The following C4orf50 variants were observed in gnomAD, a reference collection of about 807,000 sequenced individuals.
The protein encoded by C4orf50 is uncharacterized protein C4orf50.
In C4orf50, 80 loss-of-function variants were observed where a neutral mutation model predicts 77.2. That is an observed-to-expected ratio of 1.04 (90% CI 0.87 to 1.25). The LOEUF (loss-of-function observed/expected upper bound fraction) is 1.25, where lower values mean the gene tolerates loss of function less well. Among genes scored for constraint, C4orf50 ranks in the 50% most tolerant of loss-of-function variants. C4orf50 has a pLI of 0.00. For missense variants in C4orf50, 1,257 were observed against 1,152.9 expected (o/e 1.09, Z -1.31); for synonymous variants, 532 against 465.3 (o/e 1.14, Z -1.84).
chr4:6,007,599 A>G lies in C4orf50; in HGVS notation c.963+397T>C, dbSNP rs1722297194. On this transcript the variant is annotated intron_variant, in intron 25 of 33. Coordinates refer to ENST00000531445, the Ensembl canonical transcript of C4orf50. The surrounding 1 kb of genome is among the most constrained non-coding windows in gnomAD (Gnocchi z 4.1). ...AGCCCAAACAGATTTCAACAATGGG[A>G]AAACAAGTGGTTTAGTAAGTGGGCT... Among the ~76,000 whole-genome samples, 1 of 152,158 alleles carries G rather than the reference A, an allele frequency of 6.6e-6. No individual in the cohort carries two copies. Among genetic ancestry groups the G allele is most frequent in the Admixed American group, 6.5e-5 (1 of 15,278 alleles).
In C4orf50 at chr4:6,008,234, G is replaced by C. The variant is rs1163757834; in HGVS notation, c.725C>G (p.Ala242Gly). 5.0e-6 allele frequency: 2 copies of C among 396,124 alleles called. No individual in the cohort carries two copies. Among genetic ancestry groups the C allele is most frequent in the African/African-American group, 2.1e-5 (1 of 48,474 alleles). 24.5% of individuals were successfully genotyped at this position (396,124 alleles called of 1,614,324 possible). Residue 242 changes from alanine to glycine, a missense_variant, in exon 25 of 34, where the codon GCC becomes GGC. Transcript: ENST00000531445. The surrounding 1 kb of genome is among the most constrained non-coding windows in gnomAD (Gnocchi z 6.0). ...GCTGCGCTCTGCCCTCGCCTGCAGG[G>C]CGCGCAGTTCCGCAGCCGCCTCGGT...
rs578192692 is a variant in C4orf50 at position 5,919,423 on chromosome 4, G to A, written c.*2475-21235C>T. ...GCAGTGGACTGAGGCAGGGGCAGGT[G>A]GGGGTGGGGGGCACACCCTTTCCTA... On this transcript the variant is annotated intron_variant, in intron 7 of 7. Transcript: ENST00000324058. This position sits in a 1 kb window ranked among gnomAD's most constrained non-coding sequence, Gnocchi z 6.5. Among the ~76,000 whole-genome samples, 202 of 152,196 alleles carry A rather than the reference G, an allele frequency of 1.3e-3. 1 individual carries two copies. The highest frequency in any genetic ancestry group is 4.6e-3 in the African/African-American group (193 of 41,522).
intron 7 of C4orf50, among the ~76,000 whole-genome samples, chr4:5,917,145 C>T (rs1332894552): frequency 6.6e-6 from 1 of 152,158 alleles, no homozygotes; most frequent in East Asian, 1.9e-4. Flanking sequence ...CCTTATCCCA[C>T]TGTTATAGAT....
intron 7 of C4orf50, among the ~76,000 whole-genome samples, chr4:5,909,434 C>A (rs1281834399): frequency 6.6e-6 from 1 of 152,190 alleles, no homozygotes; most frequent in Non-Finnish European, 1.5e-5. Flanking sequence ...GTATAGTTTG[C>A]AAATATTTTC....
chr4:5,943,605 G>A (rs191136941), intron 7 of C4orf50, among the ~76,000 whole-genome samples: 7 of 152,320 alleles, frequency 4.6e-5, no homozygotes, highest in Non-Finnish European at 1.0e-4. Context: ...CCTCACAGCT[G>A]TGAGAATCAA....
rs139116305 is a variant in C4orf50 at position 5,932,149 on chromosome 4, C to T, written c.*2474+24752G>A. 0.014 allele frequency among the ~76,000 whole-genome samples: 2,120 copies of T among 150,902 alleles called. 21 individuals are homozygous for T. Among genetic ancestry groups the T allele is most frequent in the Non-Finnish European group, 0.02 (1,378 of 67,920 alleles). Reference sequence around the variant, plus strand: ...AAGGCAGGTGTAACTCACTAACCTGCCAGGTGTAAACCCACTGGCTGGCTA... The same window carrying T: ...AAGGCAGGTGTAACTCACTAACCTGTCAGGTGTAAACCCACTGGCTGGCTA... On this transcript the variant is annotated intron_variant, in intron 7 of 7. Transcript: ENST00000324058. This position sits in a 1 kb window ranked among gnomAD's most constrained non-coding sequence, Gnocchi z 4.2.
chr4:5,984,926 T>C (rs1341520782), intron 28 of C4orf50, among the ~76,000 whole-genome samples: 4 of 150,820 alleles, frequency 2.7e-5, no homozygotes, highest in Admixed American at 2.0e-4. Flanking sequence ...CACATTATAG[T>C]GAAGCTGCCA....
Position 6,009,473 on chromosome 4 carries a change from C to T in C4orf50, c.427-941G>A, listed in dbSNP as rs543757871. 2.0e-5 allele frequency among the ~76,000 whole-genome samples: 3 copies of T among 152,116 alleles called. No individual in the cohort carries two copies. Among genetic ancestry groups the T allele is most frequent in the African/African-American group, 4.8e-5 (2 of 41,428 alleles). ...AGCTTTGTTTGATAGTTTTGGGGAA[C>T]GTGGGGCAGATAAAAGTCAGGGTCA... On this transcript the variant is annotated intron_variant, in intron 24 of 33. Transcript: ENST00000531445. This position sits in a 1 kb window ranked among gnomAD's most constrained non-coding sequence, Gnocchi z 5.6.
intron 33 of C4orf50, among the ~76,000 whole-genome samples, chr4:5,962,941 C>G (rs1328446897): frequency 2.6e-5 from 4 of 152,100 alleles, no homozygotes; most frequent in Admixed American, 2.6e-4. Flanking sequence ...GACACTCATC[C>G]TCCCATCTTT....
intron 25 of C4orf50, among the ~76,000 whole-genome samples, chr4:6,003,827 G>A (rs1380987275): frequency 0.012 from 747 of 60,082 alleles, 43 homozygotes; most frequent in African/African-American, 0.035. Flanking sequence ...TGATGGTGAT[G>A]GTGATGATGT....
intron 23 of C4orf50, among the ~76,000 whole-genome samples, chr4:6,016,084 T>A (rs1194562845): frequency 6.6e-6 from 1 of 152,238 alleles, no homozygotes; most frequent in African/African-American, 2.4e-5. Context: ...ATCTTACTTG[T>A]GTTTTTTTGA....
At chr4:5,935,784 TAAA>T (rs769910855) in intron 7 of C4orf50, among the ~76,000 whole-genome samples, 85 of 31,466 alleles carry the variant, frequency 2.7e-3, no homozygotes, top group African/African-American at 6.6e-3. Context: ...AGACTCCGTC[TAAA>T]AAAAAAAAAA....
At chr4:5,973,626 G>A in intron 31 of C4orf50, 33 bp downstream of exon 9, 1 of 1,572,222 alleles carries the variant, frequency 6.4e-7, no homozygotes, top group African/African-American at 1.3e-5. Flanking sequence ...ACTCCCATAG[G>A]AAGCACAGAC....
chr4:6,003,420 G>C (rs930728935), intron 25 of C4orf50, among the ~76,000 whole-genome samples: 5 of 151,282 alleles, frequency 3.3e-5, no homozygotes, highest in Non-Finnish European at 7.4e-5. Flanking sequence ...ATGAGGAGGA[G>C]GGTGGCAATG....
At chr4:5,974,225 C>T (rs1720118943) in intron 30 of C4orf50, among the ~76,000 whole-genome samples, 2 of 152,198 alleles carry the variant, frequency 1.3e-5, no homozygotes, top group Admixed American at 1.3e-4. Flanking sequence ...CGCAGGCAGG[C>T]ACCTACCGAG....
exon 28 of C4orf50, chr4:5,989,405 C>T: frequency 2.0e-6 from 3 of 1,536,074 alleles, no homozygotes; most frequent in Non-Finnish European, 2.6e-6. Flanking sequence ...GTGGTCTTTC[C>T]CGGCTTATCA....
chr4:5,988,419 C>T, exon 28 of C4orf50: 1 of 1,610,988 alleles, frequency 6.2e-7, no homozygotes, highest in Non-Finnish European at 8.5e-7. Context: ...TCTCCTCTTT[C>T]TCCAAATGTG....
intron 31 of C4orf50, among the ~76,000 whole-genome samples, chr4:5,968,135 C>T (rs932993932): frequency 2.0e-5 from 3 of 152,238 alleles, no homozygotes; most frequent in Non-Finnish European, 4.4e-5. Flanking sequence ...ACATCCTGGT[C>T]ATGCTCTTCC....
intron 25 of C4orf50, among the ~76,000 whole-genome samples, chr4:6,001,601 G>C (rs1721832497): frequency 6.6e-6 from 1 of 152,108 alleles, no homozygotes; most frequent in Non-Finnish European, 1.5e-5. Flanking sequence ...CGCCTCACAG[G>C]GCTGAAAAGG....
Sources: gnomAD v4.1 joint callset for allele counts (sites outside exome capture counted in the v4.1 genomes callset) on GRCh38, gnomAD v4.1.1 for gene constraint, Gnocchi (gnomAD v3.1) non-coding constraint, MANE v1.5 for transcripts, NCBI Gene and HGNC (gene_info 2026-07-23, HGNC 2026-07-21) for gene names.